Variants in PTPRD observed in about 807,000 individuals in gnomAD.
PTPRD encodes protein tyrosine phosphatase receptor type D.
In PTPRD, 34 loss-of-function variants were observed where a neutral mutation model predicts 214.5. That is an observed-to-expected ratio of 0.16 (90% CI 0.12 to 0.21). The LOEUF is 0.21. PTPRD is among the 10% of genes least tolerant of loss of function. The pLI is 1.00. For synonymous variants in PTPRD, 1,128 were observed against 845.7 expected, an observed-to-expected ratio of 1.33 and a Z score of -5.79; for missense variants, 2,545 against 2,398.7, an observed-to-expected ratio of 1.06 and a Z score of -1.27.
intron 10 of PTPRD, among the ~76,000 whole-genome samples, chr9:9,103,557 C>A (rs1201483577): frequency 6.6e-6 from 1 of 151,694 alleles, no homozygotes; most frequent in Non-Finnish European, 1.5e-5. Context: ...TTGCAAAAAT[C>A]TAAAGAAAAA....
intron 40 of PTPRD, 145 bp downstream of exon 40, chr9:8,341,548 A>G: frequency 2.0e-6 from 2 of 976,928 alleles, no homozygotes; most frequent in Non-Finnish European, 3.0e-6. Flanking sequence ...AAAGGGGAGG[A>G]ATACATTTTA....
chr9:9,894,249 C>A (rs2074297716), intron 5 of PTPRD, among the ~76,000 whole-genome samples: 1 of 152,064 alleles, frequency 6.6e-6, no homozygotes, highest in East Asian at 1.9e-4. Flanking sequence ...AAATCTTTTC[C>A]CCACTCAGCC....
intron 8 of PTPRD, among the ~76,000 whole-genome samples, chr9:9,460,929 C>A (rs911620322): frequency 6.6e-6 from 1 of 152,028 alleles, no homozygotes; most frequent in African/African-American, 2.4e-5. Context: ...ACCTAAGTGT[C>A]CGTCAGTGGT....
rs143442824 is a variant in PTPRD at position 10,367,856 on chromosome 9, T to A, written c.-599-26839A>T. 5.8e-3 allele frequency among the ~76,000 whole-genome samples: 886 copies of A among 152,120 alleles called. 6 individuals carry two copies. The highest frequency in any genetic ancestry group is 0.02 in the African/African-American group (846 of 41,428). ...AGGAAAGTACTTTACCTCCTTGTGT[T>A]TTAGCTCCCATAGCTATAAAAAAGG... On this transcript the variant is annotated intron_variant, in intron 2 of 45. Coordinates refer to ENST00000381196, the MANE Select transcript of PTPRD (RefSeq NM_002839.4).
At chr9:8,454,012 A>G (rs2096074030) in intron 33 of PTPRD, among the ~76,000 whole-genome samples, 1 of 152,240 alleles carries the variant, frequency 6.6e-6, no homozygotes, top group South Asian at 2.1e-4. Flanking sequence ...AGAAAGCTAG[A>G]GGGTTAGTTT....
intron 4 of PTPRD, among the ~76,000 whole-genome samples, chr9:9,983,843 C>G (rs968007853): frequency 5.3e-5 from 8 of 152,144 alleles, no homozygotes; most frequent in African/African-American, 1.9e-4. Context: ...CAACTCTAAT[C>G]TTTGGAGGGT....
intron 11 of PTPRD, among the ~76,000 whole-genome samples, chr9:8,801,218 G>A (rs1396377038): frequency 1.3e-5 from 2 of 152,152 alleles, no homozygotes; most frequent in African/African-American, 2.4e-5. Context: ...TGCACTGGCA[G>A]TTTTTATTGA....
At chr9:9,515,299 T>C (rs542474998) in intron 8 of PTPRD, among the ~76,000 whole-genome samples, 3 of 152,138 alleles carry the variant, frequency 2.0e-5, no homozygotes, top group African/African-American at 4.8e-5. Context: ...TTTTATTTGT[T>C]TGGAGTCTCC....
intron 12 of PTPRD, among the ~76,000 whole-genome samples, chr9:8,667,773 A>G (rs2062789043): frequency 6.6e-6 from 1 of 152,086 alleles, no homozygotes; most frequent in South Asian, 2.1e-4. Flanking sequence ...AAAATAAAAT[A>G]AAATAAAAAT....
chr9:9,346,231 T>C (rs1019258590), intron 9 of PTPRD, among the ~76,000 whole-genome samples: 2 of 152,110 alleles, frequency 1.3e-5, no homozygotes, highest in African/African-American at 4.8e-5. Flanking sequence ...ATGACATTTA[T>C]CATAGAAAAA....
intron 8 of PTPRD, among the ~76,000 whole-genome samples, chr9:9,424,430 G>C (rs556398206): frequency 1.3e-4 from 20 of 152,308 alleles, no homozygotes; most frequent in Middle Eastern, 3.4e-3. Context: ...GTGCTGAATA[G>C]CCCACGGCAT....
intron 3 of PTPRD, among the ~76,000 whole-genome samples, chr9:10,179,224 G>A (rs1198260959): frequency 6.6e-6 from 1 of 151,552 alleles, no homozygotes; most frequent in Admixed American, 6.6e-5. Context: ...AAAGAACTTT[G>A]AGCCAGGAAT....
At chr9:10,140,484 A>T (rs1477122278) in intron 3 of PTPRD, among the ~76,000 whole-genome samples, 1 of 152,198 alleles carries the variant, frequency 6.6e-6, no homozygotes, top group East Asian at 1.9e-4. Flanking sequence ...TACGCAAATA[A>T]ACTAGAAAAT....
At position 9,840,787 on chromosome 9, in the gene PTPRD, A is replaced by C. The variant is rs1436048823; in HGVS notation, c.-367-73936T>G. On this transcript the variant is annotated intron_variant, in intron 5 of 45. Coordinates refer to ENST00000381196, the MANE Select transcript of PTPRD (RefSeq NM_002839.4). Reference sequence around the variant, plus strand: ...AAAAAAAAAAAAAAAAAAAAAAAAAAAAAAAAAAAAAACAGAAAGGGGAAG... The same window carrying C: ...AAAAAAAAAAAAAAAAAAAAAAAAACAAAAAAAAAAAACAGAAAGGGGAAG... Among the ~76,000 whole-genome samples the C allele has an allele frequency of 1.3e-4, 19 of 143,794 alleles. 1 individual carries two copies. Among genetic ancestry groups the C allele is most frequent in the African/African-American group, 4.9e-4 (19 of 38,710 alleles). 94.3% of individuals were successfully genotyped at this position (143,794 alleles called of 152,430 possible). A position where few individuals can be genotyped will look rare whatever the true frequency, so the allele number is the denominator to read the frequency against.
At chr9:10,006,873 C>T (rs759047855) in intron 4 of PTPRD, among the ~76,000 whole-genome samples, 3 of 151,850 alleles carry the variant, frequency 2.0e-5, no homozygotes, top group Non-Finnish European at 2.9e-5. Flanking sequence ...TGGAACAAGG[C>T]TATTCTGACA....
At chr9:10,127,286 G>A (rs2098827101) in intron 3 of PTPRD, among the ~76,000 whole-genome samples, 1 of 152,068 alleles carries the variant, frequency 6.6e-6, no homozygotes, top group African/African-American at 2.4e-5. Flanking sequence ...GTCTGTAATG[G>A]CCCACAAGAC....
At chr9:10,531,095 G>A (rs1021168628) in intron 2 of PTPRD, among the ~76,000 whole-genome samples, 2 of 151,786 alleles carry the variant, frequency 1.3e-5, no homozygotes, top group African/African-American at 4.8e-5. Flanking sequence ...GATTGCAGGT[G>A]CAAGCCACCA....
chr9:8,500,717 C>A (rs2136940609), intron 24 of PTPRD, 37 bp downstream of exon 24: 3 of 1,601,996 alleles, frequency 1.9e-6, no homozygotes, highest in South Asian at 1.1e-5. Flanking sequence ...AAGACTGTGT[C>A]AGAAGGGTGC....
At chr9:9,903,416 G>C (rs184966579) in intron 5 of PTPRD, among the ~76,000 whole-genome samples, 4 of 152,120 alleles carry the variant, frequency 2.6e-5, no homozygotes, top group Admixed American at 2.6e-4. Context: ...GATAATCATA[G>C]AAACAGTTTC....
Sources: allele counts gnomAD v4.1 joint callset (sites outside exome capture counted in the v4.1 genomes callset), GRCh38; gene constraint gnomAD v4.1.1; transcripts MANE v1.5; gene names NCBI Gene and HGNC (gene_info 2026-07-23, HGNC 2026-07-21).